Variants in FAM174B observed in about 807,000 individuals in gnomAD.
The protein encoded by FAM174B is membrane protein FAM174B.
In FAM174B, 12 loss-of-function variants were observed where a neutral mutation model predicts 10.9. That is an observed-to-expected ratio of 1.10 (90% CI 0.71 to 1.79). The LOEUF is 1.79. FAM174B is among the 40% of genes most tolerant of loss of function. FAM174B has a pLI of 0.00. For missense variants in FAM174B, 266 were observed against 233.3 expected, an observed-to-expected ratio of 1.14 and a Z score of -0.91; for synonymous variants, 132 against 115.8, an observed-to-expected ratio of 1.14 and a Z score of -0.90.
intron 1 of FAM174B, among the ~76,000 whole-genome samples, chr15:92,637,265 C>G (rs901988836): frequency 6.6e-6 from 1 of 152,252 alleles, no homozygotes; most frequent in African/African-American, 2.4e-5. Context: ...TCCCACTGGC[C>G]TTGAGGCCCA....
intron 2 of FAM174B, among the ~76,000 whole-genome samples, chr15:92,622,747 C>A (rs899557803): frequency 6.6e-6 from 1 of 152,244 alleles, no homozygotes; most frequent in African/African-American, 2.4e-5. Flanking sequence ...GGGCTCACTT[C>A]GTGGTCCTCT....
intron 1 of FAM174B, among the ~76,000 whole-genome samples, chr15:92,653,527 C>T (rs1012238035): frequency 2.0e-5 from 3 of 152,272 alleles, no homozygotes; most frequent in African/African-American, 7.2e-5. Context: ...GGCACCTCTG[C>T]TGAATGGCAG....
chr15:92,627,425 C>A (rs2050760357), intron 2 of FAM174B: 1 of 168,130 alleles, frequency 5.9e-6, no homozygotes, highest in South Asian at 1.8e-4. Flanking sequence ...ATGTGACACT[C>A]GTTTCAACGT....
intron 2 of FAM174B, among the ~76,000 whole-genome samples, chr15:92,621,030 T>C (rs2050716010): frequency 6.6e-6 from 1 of 152,140 alleles, no homozygotes; most frequent in Non-Finnish European, 1.5e-5. Context: ...ATACCAAATA[T>C]ATTACCATAA....
intron 2 of FAM174B, among the ~76,000 whole-genome samples, chr15:92,620,814 CAAAAAAAAAAAAA>C (rs34607670): frequency 9.8e-5 from 7 of 71,376 alleles, no homozygotes; most frequent in South Asian, 1.5e-3. Flanking sequence ...GACTCTGTCT[CAAAAAAAAAAAAA>C]AAAAAAAAAA....
chr15:92,619,047 A>G lies in FAM174B; in HGVS notation c.*409T>C. The stretch of plus-strand genomic sequence containing the variant: ...TAGAGAAGAATGTCGGAAATTCTAA[A>G]TACACAGTTGGACATCCTTCAGGCT... On this transcript the variant is annotated 3_prime_UTR_variant, in exon 3 of 3. Transcript: ENST00000327355. The G allele has an allele frequency of 1.6e-6, 1 of 609,024 alleles. No individual in the cohort carries two copies. 37.7% of individuals were successfully genotyped at this position (609,024 alleles called of 1,614,324 possible). A position where few individuals can be genotyped will look rare whatever the true frequency, so the allele number is the denominator to read the frequency against.
At chr15:92,630,404 C>T (rs927806151) in intron 1 of FAM174B, 59 bp from the exon 2 acceptor site, 23 of 1,531,552 alleles carry the variant, frequency 1.5e-5, no homozygotes, top group Non-Finnish European at 1.9e-5. Flanking sequence ...GTCACTGGGC[C>T]CCAAGCCCCA....
Position 92,617,542 on chromosome 15 carries a change from G to A in FAM174B, c.*1914C>T. On this transcript the variant is annotated 3_prime_UTR_variant, in exon 3 of 3. Coordinates refer to ENST00000327355, the MANE Select transcript of FAM174B (RefSeq NM_207446.3). ...TTTCAGCAGCCGCCATTTCTGCCAG[G>A]ACCAGTGGCAAGCACCTGGCAGATG... is the stretch of plus-strand genomic sequence containing the variant. The A allele has an allele frequency of 1.9e-6, 1 of 517,170 alleles. No homozygotes were observed. Among genetic ancestry groups the A allele is most frequent in the South Asian group, 2.8e-5 (1 of 36,284 alleles). 32.0% of individuals were successfully genotyped at this position (517,170 alleles called of 1,614,324 possible). A position where few individuals can be genotyped will look rare whatever the true frequency, so the allele number is the denominator to read the frequency against.
chr15:92,655,648 C>A lies in FAM174B; in HGVS notation c.12G>T (p.Val4=). 1 of 1,255,028 alleles carries A rather than the reference C, an allele frequency of 8.0e-7. No homozygotes were observed. Among genetic ancestry groups the A allele is most frequent in the East Asian group, 3.2e-5 (1 of 30,804 alleles). 77.7% of individuals were successfully genotyped at this position (1,255,028 alleles called of 1,614,324 possible). A position where few individuals can be genotyped will look rare whatever the true frequency, so the allele number is the denominator to read the frequency against. ...GCGGCAGGAGCGGGGCGGGCAGCGG[C>A]ACGGCGCGCATAGTGCGGTGGGTCG... is the stretch of plus-strand genomic sequence containing the variant. MRA[V]PLPAPLLPLL... Residue 4 remains valine (V), a synonymous_variant, in exon 1 of 3, where the codon GTG becomes GTT. Coordinates refer to ENST00000327355, the MANE Select transcript of FAM174B (RefSeq NM_207446.3).
At position 92,618,991 on chromosome 15, in the gene FAM174B, G is replaced by A. The variant is rs766636542; in HGVS notation, c.*465C>T. 6.9e-5 allele frequency: 41 copies of A among 593,578 alleles called. No homozygotes were observed. The highest frequency in any genetic ancestry group is 1.1e-4 in the Non-Finnish European group (37 of 334,998). 36.8% of individuals were successfully genotyped at this position (593,578 alleles called of 1,614,324 possible). ...CTGACCAAGCCAAAAAAGCAGCAAA[G>A]GATCAGATGGGGTCCAATGTGTAGA... On this transcript the variant is annotated 3_prime_UTR_variant, in exon 3 of 3. Coordinates refer to ENST00000327355, the MANE Select transcript of FAM174B (RefSeq NM_207446.3).
chr15:92,650,540 G>C (rs950280908), intron 1 of FAM174B, among the ~76,000 whole-genome samples: 1 of 152,212 alleles, frequency 6.6e-6, no homozygotes, highest in Non-Finnish European at 1.5e-5. Flanking sequence ...CAGGATGAAA[G>C]GAACGTTGTG....
At position 92,617,759 on chromosome 15, in the gene FAM174B, C is replaced by T. The variant is rs1250703175; in HGVS notation, c.*1697G>A. The T allele has an allele frequency of 1.7e-6, 1 of 583,904 alleles. No homozygotes were observed. Among genetic ancestry groups the T allele is most frequent in the South Asian group, 2.0e-5 (1 of 49,614 alleles). 36.2% of individuals were successfully genotyped at this position (583,904 alleles called of 1,614,324 possible). On this transcript the variant is annotated 3_prime_UTR_variant, in exon 3 of 3. Coordinates refer to ENST00000327355, the MANE Select transcript of FAM174B (RefSeq NM_207446.3). ...ACCGTGGAGAGGAGAGATAAAGCAG[C>T]CACGGCTGTTCTGTTGCCAGTCCCA...
chr15:92,626,343 C>T (rs899168910), intron 2 of FAM174B, among the ~76,000 whole-genome samples: 1 of 152,118 alleles, frequency 6.6e-6, no homozygotes, highest in Non-Finnish European at 1.5e-5. Context: ...CGTGATCCGC[C>T]CGCCTCGGCC....
Position 92,655,734 on chromosome 15 carries a change from T to C in FAM174B, c.-75A>G, listed in dbSNP as rs1251785771. The C allele has an allele frequency of 3.2e-5, 37 of 1,158,854 alleles. No homozygotes were observed. The highest frequency in any genetic ancestry group is 3.9e-5 in the Non-Finnish European group (36 of 930,210). 71.8% of individuals were successfully genotyped at this position (1,158,854 alleles called of 1,614,324 possible). A position where few individuals can be genotyped will look rare whatever the true frequency, so the allele number is the denominator to read the frequency against. ...CAGGATCCGCACCAGCACGGAGGCC[T>C]GCACCGGGGGATCCTGCGGCGGAGG... is the stretch of plus-strand genomic sequence containing the variant. On this transcript the variant is annotated 5_prime_UTR_variant, in exon 1 of 3. Transcript: ENST00000327355.
intron 2 of FAM174B, among the ~76,000 whole-genome samples, chr15:92,620,459 C>T (rs933482852): frequency 3.9e-5 from 6 of 152,176 alleles, no homozygotes; most frequent in Non-Finnish European, 7.3e-5. Context: ...GATCGCACCA[C>T]TGCACTCCAG....
chr15:92,624,886 C>G (rs1175920518), intron 2 of FAM174B, among the ~76,000 whole-genome samples: 1 of 152,226 alleles, frequency 6.6e-6, no homozygotes, highest in African/African-American at 2.4e-5. Flanking sequence ...GGAGGAAAAG[C>G]CCACATCTGT....
At chr15:92,644,113 G>C (rs2050910375) in intron 1 of FAM174B, among the ~76,000 whole-genome samples, 1 of 152,106 alleles carries the variant, frequency 6.6e-6, no homozygotes, top group Admixed American at 6.5e-5. Context: ...TACACTTGAA[G>C]AAATGAAGAA....
intron 1 of FAM174B, among the ~76,000 whole-genome samples, chr15:92,632,182 T>C (rs2050823760): frequency 6.6e-6 from 1 of 152,214 alleles, no homozygotes; most frequent in South Asian, 2.1e-4. Flanking sequence ...ATCATGAGGA[T>C]TCATGAGGAA....
rs951763479 is a variant in FAM174B, at chr15:92,618,885, C to A, written c.*571G>T. The A allele has an allele frequency of 7.2e-5, 21 of 293,504 alleles. No homozygotes were observed. The highest frequency in any genetic ancestry group is 9.7e-4 in the Middle Eastern group (1 of 1,030). The allele number at this position is 293,504 out of a possible 1,614,324, so 18.2% of individuals were successfully genotyped here. On this transcript the variant is annotated 3_prime_UTR_variant, in exon 3 of 3. Coordinates refer to ENST00000327355, the MANE Select transcript of FAM174B (RefSeq NM_207446.3). Reference sequence around the variant, plus strand: ...GAAAGAAAAGGAGCCACAGACGTGTCCAGGTCTGGAAGGGGCTGACCAGCT... The same window carrying A: ...GAAAGAAAAGGAGCCACAGACGTGTACAGGTCTGGAAGGGGCTGACCAGCT...
Sources: gnomAD v4.1 joint callset for allele counts (sites outside exome capture counted in the v4.1 genomes callset) on GRCh38, gnomAD v4.1.1 for gene constraint, MANE v1.5 for transcripts, NCBI Gene and HGNC (gene_info 2026-07-23, HGNC 2026-07-21) for gene names.